Variants in TTC27 observed in about 807,000 individuals in gnomAD.
TTC27 encodes the protein tetratricopeptide repeat protein 27.
In TTC27, 79 loss-of-function variants were observed where a neutral mutation model predicts 115.9. The ratio of observed to expected loss-of-function variants is 0.68; its 90% CI spans 0.57 to 0.82. The LOEUF is 0.82. TTC27 is among the 40% of genes least tolerant of loss of function. The probability of loss-of-function intolerance (pLI) is 0.00; values close to 1 mark genes in which losing one functional copy is unlikely to be tolerated. For synonymous variants in TTC27, 401 were observed against 356.0 expected, an observed-to-expected ratio of 1.13 and a Z score of -1.42; for missense variants, 1,054 against 993.1, an observed-to-expected ratio of 1.06 and a Z score of -0.82.
chr2:32,744,081 C>A (rs931498223), intron 12 of TTC27, among the ~76,000 whole-genome samples: 1 of 152,018 alleles, frequency 6.6e-6, no homozygotes, highest in Non-Finnish European at 1.5e-5. Context: ...AGTTATAGTC[C>A]GATATGATAG....
chr2:32,766,430 G>A (rs1210352300), intron 13 of TTC27: 3 of 411,668 alleles, frequency 7.3e-6, no homozygotes, highest in South Asian at 3.8e-5. Flanking sequence ...GCACTGTAGG[G>A]TTATTAATTG....
At chr2:32,801,989 A>G (rs751103918) in intron 16 of TTC27, among the ~76,000 whole-genome samples, 11 of 152,202 alleles carry the variant, frequency 7.2e-5, no homozygotes, top group Non-Finnish European at 1.6e-4. Context: ...AGTTTCTGTT[A>G]TTAGTCTTCA....
rs70938360 is a variant in TTC27, at chr2:32,682,847, G to GTTTTTTTTT, written c.1119+3940_1119+3948dup. ...CCACACCCGGATAATTTTTATTGTT[G>GTTTTTTTTT]TTTTTTTTTTTTTTTTTTTTTTTGA... On this transcript the variant is annotated intron_variant, in intron 9 of 19. Coordinates refer to ENST00000317907, the MANE Select transcript of TTC27 (RefSeq NM_017735.5). 2.0e-4 allele frequency among the ~76,000 whole-genome samples: 10 copies of GTTTTTTTTT among 49,778 alleles called. No homozygotes were observed. The East Asian group carries it at 2.1e-3, about 10-fold the overall frequency. The allele number at this position is 49,778 out of a possible 152,430, so 32.7% of individuals were successfully genotyped here.
intron 1 of TTC27, among the ~76,000 whole-genome samples, chr2:32,629,666 C>T (rs922882376): frequency 6.8e-6 from 1 of 147,486 alleles, no homozygotes; most frequent in Admixed American, 6.8e-5. Flanking sequence ...GTCTCGATCT[C>T]CTGACGTCGT....
In TTC27 at chr2:32,736,784, A is replaced by C; in HGVS notation, c.1420A>C (p.Ile474Leu). 1 of 1,614,002 alleles carries C rather than the reference A, an allele frequency of 6.2e-7. No individual in the cohort carries two copies. Among genetic ancestry groups the C allele is most frequent in the Non-Finnish European group, 8.5e-7 (1 of 1,179,928 alleles). ...GCTAGAAATGTGGGAAGATGTTGTC[A>C]TTTGTTATGAAAGAGCCGGGCAGCA... ...EKLEMWEDVV[I>L]CYERAGQHGK... Residue 474 changes from isoleucine to leucine, a missense_variant, in exon 12 of 20, where the codon ATT becomes CTT. Transcript: ENST00000317907.
chr2:32,628,987 T>TGACCTCA (rs1364054036), intron 1 of TTC27, among the ~76,000 whole-genome samples: 1 of 151,788 alleles, frequency 6.6e-6, no homozygotes, highest in East Asian at 1.9e-4. Context: ...CTGGAACTCC[T>TGACCTCA]GACCTCAGAT....
chr2:32,677,858 T>A (rs1396133402), intron 8 of TTC27, among the ~76,000 whole-genome samples: 2 of 152,236 alleles, frequency 1.3e-5, no homozygotes, highest in Non-Finnish European at 2.9e-5. Flanking sequence ...TATAAAAACA[T>A]TTTTATTTTT....
At chr2:32,666,898 G>A (rs369910203) in intron 7 of TTC27, 130 bp downstream of exon 7, 2 of 1,134,150 alleles carry the variant, frequency 1.8e-6, no homozygotes, top group East Asian at 2.7e-5. Flanking sequence ...CCTTTTAAAG[G>A]TTGCTGAGTC....
chr2:32,806,388 AG>A (rs1055853172), intron 16 of TTC27, among the ~76,000 whole-genome samples: 1 of 152,218 alleles, frequency 6.6e-6, no homozygotes, highest in African/African-American at 2.4e-5. Context: ...TTCTAAAGAA[AG>A]GTTATATATA....
At chr2:32,816,677 G>C (rs573221195) in intron 18 of TTC27, among the ~76,000 whole-genome samples, 1 of 152,290 alleles carries the variant, frequency 6.6e-6, no homozygotes, top group African/African-American at 2.4e-5. Context: ...CCTTGCTCAG[G>C]AACTTAAGAA....
chr2:32,684,447 A>G (rs1666561115), intron 9 of TTC27, among the ~76,000 whole-genome samples: 1 of 152,058 alleles, frequency 6.6e-6, no homozygotes, highest in African/African-American at 2.4e-5. Flanking sequence ...CAAGTTTCAA[A>G]AAAAAAAAAG....
chr2:32,633,799 C>A, intron 2 of TTC27, 77 bp from the exon 3 acceptor site: 2 of 1,445,708 alleles, frequency 1.4e-6, no homozygotes, highest in Non-Finnish European at 1.9e-6. Context: ...CTTAATAAAA[C>A]TGAAATGGAA....
intron 9 of TTC27, among the ~76,000 whole-genome samples, chr2:32,688,305 A>C (rs1275275372): frequency 6.6e-6 from 1 of 152,144 alleles, no homozygotes; most frequent in Non-Finnish European, 1.5e-5. Context: ...ATTGATCTCA[A>C]TGTTACAAAA....
chr2:32,757,541 TCAAA>T (rs1021691520), intron 12 of TTC27, among the ~76,000 whole-genome samples: 8 of 152,196 alleles, frequency 5.3e-5, no homozygotes, highest in African/African-American at 1.9e-4. Flanking sequence ...CAACCCTGTG[TCAAA>T]CAAGTCCGTC....
At chr2:32,659,249 G>A (rs1665444755) in intron 5 of TTC27, among the ~76,000 whole-genome samples, 1 of 152,046 alleles carries the variant, frequency 6.6e-6, no homozygotes, top group African/African-American at 2.4e-5. Context: ...TATAGCGTGA[G>A]CCACGATGCC....
intron 13 of TTC27, among the ~76,000 whole-genome samples, chr2:32,772,953 C>T (rs1669878663): frequency 6.6e-6 from 1 of 152,186 alleles, no homozygotes; most frequent in South Asian, 2.1e-4. Context: ...TAGCCAGGGT[C>T]GTAACAGTTA....
In TTC27 at chr2:32,723,225, C is replaced by T. The variant is rs367812150; in HGVS notation, c.1234-10603C>T. Among the ~76,000 whole-genome samples, 275 of 152,208 alleles carry T rather than the reference C, an allele frequency of 1.8e-3. 1 individual carries two copies. Among genetic ancestry groups the T allele is most frequent in the African/African-American group, 6.1e-3 (253 of 41,528 alleles). On this transcript the variant is annotated intron_variant, in intron 10 of 19. Transcript: ENST00000317907. ...AAGTTCTTTGGACAAGGTCAGATTA[C>T]GGTGATTGAATTCATGCTTTAGTTT...
chr2:32,666,979 T>C (rs1290890248), intron 7 of TTC27, among the ~76,000 whole-genome samples: 3 of 147,016 alleles, frequency 2.0e-5, no homozygotes, highest in East Asian at 3.9e-4. Flanking sequence ...GTTTTTTTTT[T>C]CCTAACCTGT....
chr2:32,733,796 A>G, intron 10 of TTC27, 32 bp from the exon 11 acceptor site: 1 of 1,390,440 alleles, frequency 7.2e-7, no homozygotes, highest in Non-Finnish European at 1.0e-6. Context: ...AGTTATACAT[A>G]TAGATTCTGA....
Sources: allele counts gnomAD v4.1 joint callset (sites outside exome capture counted in the v4.1 genomes callset), GRCh38; gene constraint gnomAD v4.1.1; transcripts MANE v1.5; gene names NCBI Gene and HGNC (gene_info 2026-07-23, HGNC 2026-07-21).